SRSF11: variants seen among roughly 807,000 people sequenced by gnomAD.
SRSF11 encodes serine/arginine-rich splicing factor 11.
Under a neutral mutation model 56.0 loss-of-function variants are expected in SRSF11, and 9 were observed. The ratio of observed to expected loss-of-function variants is 0.16; its 90% CI spans 0.10 to 0.28. SRSF11 has a LOEUF of 0.28. SRSF11 is among the 10% of genes least tolerant of loss of function. The pLI, the probability that SRSF11 is intolerant of heterozygous loss-of-function variation, is 1.00. For missense variants in SRSF11, 421 were observed against 600.7 expected (o/e 0.70, Z 3.13); for synonymous variants, 222 against 215.3 (o/e 1.03, Z -0.27).
intron 1 of SRSF11, among the ~76,000 whole-genome samples, chr1:70,214,427 G>A (rs1028145308): frequency 6.6e-6 from 1 of 152,070 alleles, no homozygotes; most frequent in South Asian, 2.1e-4. Context: ...CTGTGTATAC[G>A]ATGCAAGCAC....
intron 2 of SRSF11, 149 bp downstream of exon 2, chr1:70,228,704 G>T: frequency 7.6e-7 from 1 of 1,323,492 alleles, no homozygotes; most frequent in East Asian, 2.8e-5. Context: ...TTTGCTTGCA[G>T]ATTTTTTTTA....
intron 6 of SRSF11, among the ~76,000 whole-genome samples, chr1:70,238,867 A>G (rs967484076): frequency 1.4e-4 from 22 of 152,314 alleles, no homozygotes; most frequent in African/African-American, 5.3e-4. Flanking sequence ...GGCAAGTAAA[A>G]TAGGCAAAGG....
At chr1:70,221,921 C>G in intron 1 of SRSF11, 82 bp downstream of exon 1, 1 of 1,551,208 alleles carries the variant, frequency 6.4e-7, no homozygotes, top group South Asian at 1.2e-5. Flanking sequence ...AGGCCCCTGT[C>G]GCTGCTTCCC....
rs911490695 is a variant in SRSF11 at position 70,235,448 on chromosome 1, C to T, written c.541-53C>T. ...GTTCAGTTTTCTGCCTAGAAAATAT[C>T]GGTCATTTATTGTTTTATGTATTCT... On this transcript the variant is annotated intron_variant, in intron 4 of 11. Transcript: ENST00000370949. The T allele has an allele frequency of 4.1e-5, 59 of 1,434,548 alleles. No homozygotes were observed. The African/African-American group carries it at 4.8e-4, about 12-fold the overall frequency. 88.9% of individuals were successfully genotyped at this position (1,434,548 alleles called of 1,614,324 possible).
chr1:70,240,592 T>C (rs1675131612), intron 7 of SRSF11, among the ~76,000 whole-genome samples: 2 of 152,144 alleles, frequency 1.3e-5, no homozygotes, highest in South Asian at 4.1e-4. Flanking sequence ...ATTCACCAAC[T>C]ATTTCAGCCA....
chr1:70,231,634 T>G lies in SRSF11; in HGVS notation c.338-634T>G, dbSNP rs892851286. Reference sequence around the variant, plus strand: ...CTCACTCCCATGCACACATCCTGTGTGTATTCAGAGACCTTCAGAAACATT... The same window carrying G: ...CTCACTCCCATGCACACATCCTGTGGGTATTCAGAGACCTTCAGAAACATT... On this transcript the variant is annotated intron_variant, in intron 2 of 11. Transcript: ENST00000370949. 3.4e-6 allele frequency: 4 copies of G among 1,175,954 alleles called. No homozygotes were observed. The African/African-American group carries it at 6.4e-5, about 19-fold the overall frequency. 72.8% of individuals were successfully genotyped at this position (1,175,954 alleles called of 1,614,324 possible).
chr1:70,245,559 A>C (rs1052828268), intron 8 of SRSF11, among the ~76,000 whole-genome samples: 6 of 152,216 alleles, frequency 3.9e-5, no homozygotes, highest in Admixed American at 2.6e-4. Context: ...GAGAAGAGTG[A>C]TGGATTTAAT....
intron 6 of SRSF11, 73 bp from the exon 7 acceptor site, chr1:70,239,366 A>G: frequency 9.7e-7 from 1 of 1,027,162 alleles, no homozygotes; most frequent in Non-Finnish European, 1.5e-6. Context: ...TGCTGTGATT[A>G]CAGGCATGAG....
Position 70,252,670 on chromosome 1 carries a change from C to T in SRSF11, c.*1865C>T, listed in dbSNP as rs893569461. 2.0e-5 allele frequency: 3 copies of T among 152,104 alleles called. No homozygotes were observed. The highest frequency in any genetic ancestry group is 4.4e-5 in the Non-Finnish European group (3 of 68,004). The allele number at this position is 152,104 out of a possible 1,614,324, so 9.4% of individuals were successfully genotyped here. A position where few individuals can be genotyped will look rare whatever the true frequency, so the allele number is the denominator to read the frequency against. On this transcript the variant is annotated 3_prime_UTR_variant, in exon 12 of 12. Coordinates refer to ENST00000370949, the MANE Select transcript of SRSF11 (RefSeq NM_001350605.2). ...AAAAAACAAAGTTCAACACAAATGA[C>T]ATTTGTTTTAAACTTTAGTAGATAA...
chr1:70,209,234 G>C, intron 1 of SRSF11, among the ~76,000 whole-genome samples: 1 of 152,154 alleles, frequency 6.6e-6, no homozygotes, highest in East Asian at 1.9e-4. Context: ...TAGATGAAAG[G>C]TACAATTGAT....
intron 8 of SRSF11, among the ~76,000 whole-genome samples, chr1:70,246,008 T>C (rs1029725151): frequency 1.3e-5 from 2 of 151,874 alleles, no homozygotes; most frequent in African/African-American, 4.8e-5. Flanking sequence ...AAAGATTGAA[T>C]GAAGAGGGAA....
At chr1:70,209,740 CTTT>C (rs923729248) in intron 1 of SRSF11, among the ~76,000 whole-genome samples, 1 of 27,476 alleles carries the variant, frequency 3.6e-5, no homozygotes, top group Non-Finnish European at 7.0e-5. Flanking sequence ...CACCTCGCTT[CTTT>C]TTTTTTTTTT....
chr1:70,242,472 C>CTTTTTTTTTTTTTTTTT (rs377434872), intron 7 of SRSF11, among the ~76,000 whole-genome samples: 36 of 139,386 alleles, frequency 2.6e-4, no homozygotes, highest in African/African-American at 7.8e-4. Flanking sequence ...ATTTTTGCAC[C>CTTTTTTTTTTTTTTTTT]TTTTTTTTTT....
At position 70,227,479 on chromosome 1, in the gene SRSF11, C is replaced by A. The variant is rs76087210; in HGVS notation, c.204-943C>A. 6.6e-3 allele frequency among the ~76,000 whole-genome samples: 1,007 copies of A among 152,066 alleles called. 14 individuals are homozygous for A. The highest frequency in any genetic ancestry group is 0.023 in the African/African-American group (939 of 41,480). The stretch of plus-strand genomic sequence containing the variant: ...ATTCATGTGAAGAGTGTGGATTACC[C>A]CCAACCCCCAACCCCATGACTCTAA... On this transcript the variant is annotated intron_variant, in intron 1 of 11. Coordinates refer to ENST00000370949, the MANE Select transcript of SRSF11 (RefSeq NM_001350605.2).
intron 1 of SRSF11, among the ~76,000 whole-genome samples, chr1:70,215,197 C>T (rs774819951): frequency 6.6e-5 from 10 of 151,954 alleles, no homozygotes; most frequent in Non-Finnish European, 1.3e-4. Context: ...CACTCCTGGC[C>T]GTAAGTTTTT....
chr1:70,224,989 G>A (rs1269884851), intron 1 of SRSF11, among the ~76,000 whole-genome samples: 1 of 152,128 alleles, frequency 6.6e-6, no homozygotes, highest in East Asian at 1.9e-4. Context: ...AATTTACATA[G>A]GTATTTTTTG....
chr1:70,237,316 TTTTTGAAGGAATA>T, intron 5 of SRSF11, 96 bp from the exon 6 acceptor site: 1 of 1,406,254 alleles, frequency 7.1e-7, no homozygotes. Context: ...CCCCTCCCTT[TTTTTGAAGGAATA>T]TTTTGCTAAA....
At chr1:70,214,954 A>C (rs1050723719) in intron 1 of SRSF11, among the ~76,000 whole-genome samples, 22 of 145,294 alleles carry the variant, frequency 1.5e-4, no homozygotes, top group Admixed American at 5.0e-4. Context: ...GCTGGAATGC[A>C]ATGGCACAAT....
chr1:70,242,310 C>T (rs1675630348), intron 7 of SRSF11, among the ~76,000 whole-genome samples: 1 of 151,822 alleles, frequency 6.6e-6, no homozygotes, highest in Non-Finnish European at 1.5e-5. Context: ...ACTTGTAATA[C>T]ATCGTAACAG....
Sources: gnomAD v4.1 joint callset for allele counts (sites outside exome capture counted in the v4.1 genomes callset) on GRCh38, gnomAD v4.1.1 for gene constraint, MANE v1.5 for transcripts, NCBI Gene and HGNC (gene_info 2026-07-23, HGNC 2026-07-21) for gene names.